The following BICD1 variants were observed in gnomAD, a reference collection of about 807,000 sequenced individuals.
BICD1 encodes protein bicaudal D homolog 1.
BICD1 carries 35 observed loss-of-function variants against 92.5 expected under a neutral mutation model. The observed-to-expected ratio is 0.38, with a 90% CI of 0.29 to 0.50. The LOEUF is 0.50. Among genes scored for constraint, BICD1 ranks in the 20% least tolerant of loss-of-function variants. The pLI is 0.93. For synonymous variants in BICD1, 429 were observed against 465.1 expected (o/e 0.92, Z 1.00); for missense variants, 950 against 1,189.8 (o/e 0.80, Z 2.97).
At chr12:32,200,244 T>C (rs181345851) in intron 1 of BICD1, among the ~76,000 whole-genome samples, 56 of 152,330 alleles carry the variant, frequency 3.7e-4, no homozygotes, top group African/African-American at 1.3e-3. Context: ...TGGGAAAGCT[T>C]TAGGCTGAGG....
chr12:32,254,168 C>T (rs1471620098), intron 2 of BICD1, among the ~76,000 whole-genome samples: 2 of 148,618 alleles, frequency 1.3e-5, no homozygotes, highest in African/African-American at 2.5e-5. Context: ...TGCCCATATC[C>T]CACCTGCCGT....
chr12:32,198,353 T>TATATATATATATAC (rs71068306), intron 1 of BICD1, among the ~76,000 whole-genome samples: 1 of 139,210 alleles, frequency 7.2e-6, no homozygotes. Flanking sequence ...TATATATATA[T>TATATATATATATAC]TCCAAAAATA....
chr12:32,229,758 C>T (rs1291371276), intron 2 of BICD1, among the ~76,000 whole-genome samples: 3 of 152,094 alleles, frequency 2.0e-5, no homozygotes, highest in African/African-American at 4.8e-5. Flanking sequence ...AGCTAGGGGA[C>T]GAGATGGGCT....
At chr12:32,372,051 G>GCT (rs1939760302) in intron 9 of BICD1, among the ~76,000 whole-genome samples, 2 of 152,326 alleles carry the variant, frequency 1.3e-5, no homozygotes, top group Non-Finnish European at 2.9e-5. Flanking sequence ...GAGGAGCAAA[G>GCT]TCAGAGTATG....
intron 2 of BICD1, among the ~76,000 whole-genome samples, chr12:32,286,437 G>A (rs1226352567): frequency 6.6e-6 from 1 of 151,840 alleles, no homozygotes; most frequent in Non-Finnish European, 1.5e-5. Context: ...AAAAAATTAA[G>A]ATAATATGTT....
intron 2 of BICD1, among the ~76,000 whole-genome samples, chr12:32,251,835 C>T (rs993933501): frequency 6.7e-6 from 1 of 149,656 alleles, no homozygotes; most frequent in Non-Finnish European, 1.5e-5. Flanking sequence ...TGTACATTTA[C>T]ACTTTTGATA....
intron 1 of BICD1, among the ~76,000 whole-genome samples, chr12:32,178,736 G>A (rs1335171280): frequency 1.3e-5 from 2 of 151,946 alleles, no homozygotes; most frequent in East Asian, 1.9e-4. Context: ...AAAACCTCAG[G>A]CAGGTGGCTT....
chr12:32,164,361 T>C (rs1472377050), intron 1 of BICD1, among the ~76,000 whole-genome samples: 1 of 152,222 alleles, frequency 6.6e-6, no homozygotes, highest in South Asian at 2.1e-4. Context: ...CAATTCTCAT[T>C]AGCGCACTTA....
At chr12:32,224,655 G>A (rs1945629253) in intron 2 of BICD1, among the ~76,000 whole-genome samples, 1 of 152,186 alleles carries the variant, frequency 6.6e-6, no homozygotes, top group Admixed American at 6.5e-5. Flanking sequence ...GTAAGGATTA[G>A]TTTGCAATTC....
chr12:32,318,869 T>TGGAGTGAAACTCCA (rs1296415375), intron 4 of BICD1, among the ~76,000 whole-genome samples: 6 of 152,164 alleles, frequency 3.9e-5, no homozygotes, highest in Non-Finnish European at 7.4e-5. Flanking sequence ...AAAAATTTTA[T>TGGAGTGAAACTCCA]TCTGAAGTAT....
At chr12:32,167,583 G>C (rs1474686734) in intron 1 of BICD1, among the ~76,000 whole-genome samples, 2 of 152,066 alleles carry the variant, frequency 1.3e-5, no homozygotes, top group African/African-American at 4.8e-5. Context: ...AGCCTCCCAA[G>C]TAGTTAGGAC....
chr12:32,194,651 G>C (rs373162893), intron 1 of BICD1, among the ~76,000 whole-genome samples: 1 of 152,172 alleles, frequency 6.6e-6, no homozygotes, highest in Non-Finnish European at 1.5e-5. Flanking sequence ...GGAGGCCGAG[G>C]GGGGTGGATC....
chr12:32,138,850 T>C (rs571975810), intron 1 of BICD1, among the ~76,000 whole-genome samples: 1 of 152,330 alleles, frequency 6.6e-6, no homozygotes, highest in African/African-American at 2.4e-5. Context: ...TGTATGTGTT[T>C]AGATAGATAT....
Position 32,383,338 on chromosome 12 carries a change from A to G in BICD1, c.*5711A>G, listed in dbSNP as rs1228124238. ...TTTCAAAAGAAATGTTCTCAAAGAC[A>G]CATGCATTTATTTTAAATTCAAAAA... On this transcript the variant is annotated 3_prime_UTR_variant, in exon 10 of 10. Coordinates refer to ENST00000652176, the MANE Select transcript of BICD1 (RefSeq NM_001714.4). 1 of 152,228 alleles carries G rather than the reference A, an allele frequency of 6.6e-6. No individual in the cohort carries two copies. The highest frequency in any genetic ancestry group is 6.5e-5 in the Admixed American group (1 of 15,288). 9.4% of individuals were successfully genotyped at this position (152,228 alleles called of 1,614,324 possible).
At chr12:32,293,938 C>G in intron 2 of BICD1, 56 bp from the exon 3 acceptor site, 1 of 1,541,642 alleles carries the variant, frequency 6.5e-7, no homozygotes, top group Non-Finnish European at 8.8e-7. Context: ...GACTTTACAC[C>G]TTGTAAAATC....
At chr12:32,191,095 A>G (rs1479638466) in intron 1 of BICD1, among the ~76,000 whole-genome samples, 7 of 152,212 alleles carry the variant, frequency 4.6e-5, no homozygotes, top group East Asian at 1.9e-4. Flanking sequence ...AGCAATTCTA[A>G]GAGGGAAGTT....
intron 2 of BICD1, among the ~76,000 whole-genome samples, chr12:32,293,480 G>A: frequency 1.9e-5 from 1 of 52,028 alleles, no homozygotes; most frequent in East Asian, 6.4e-4. Flanking sequence ...ACCACGCCTG[G>A]CTAATTTTTT....
At position 32,294,092 on chromosome 12, in the gene BICD1, G is replaced by A; in HGVS notation, c.525G>A (p.Leu175=). The A allele has an allele frequency of 6.2e-7, 1 of 1,609,638 alleles. No homozygotes were observed. Among genetic ancestry groups the A allele is most frequent in the Non-Finnish European group, 8.5e-7 (1 of 1,179,112 alleles). ...GGCTCCTTCAGGACTATACTGAATT[G>A]GAAGAAGAAAATATCACATTGCAGA... ...EARLLQDYTE[L]EEENITLQKL... Residue 175 remains leucine (L), a synonymous_variant, in exon 3 of 10, where the codon TTG becomes TTA. Coordinates refer to ENST00000652176, the MANE Select transcript of BICD1 (RefSeq NM_001714.4).
chr12:32,312,333 C>T (rs1380266490), intron 4 of BICD1, among the ~76,000 whole-genome samples: 1 of 152,228 alleles, frequency 6.6e-6, no homozygotes, highest in Non-Finnish European at 1.5e-5. Flanking sequence ...TGTTTGCATA[C>T]AACCTGCAGA....
Sources: gnomAD v4.1 joint callset for allele counts (sites outside exome capture counted in the v4.1 genomes callset) on GRCh38, gnomAD v4.1.1 for gene constraint, MANE v1.5 for transcripts, NCBI Gene and HGNC (gene_info 2026-07-23, HGNC 2026-07-21) for gene names.